The following GXYLT1 variants were observed in gnomAD, a reference collection of about 807,000 sequenced individuals.
GXYLT1 encodes the protein glycosyltransferase 8 domain containing 3.
A neutral mutation model predicts 54.0 loss-of-function variants in GXYLT1; 29 were observed. The observed-to-expected ratio is 0.54, with a 90% CI of 0.40 to 0.73. GXYLT1 has a LOEUF of 0.73. Ranked by LOEUF, GXYLT1 falls within the 30% of genes least tolerant of loss-of-function variation. GXYLT1 has a pLI of 0.00. For missense variants in GXYLT1, 490 were observed against 553.4 expected (o/e 0.89, Z 1.15); for synonymous variants, 176 against 204.1 (o/e 0.86, Z 1.17).
chr12:42,104,021 G>A (rs910436841), intron 5 of GXYLT1, among the ~76,000 whole-genome samples: 1 of 152,136 alleles, frequency 6.6e-6, no homozygotes, highest in Non-Finnish European at 1.5e-5. Context: ...GTTTGAGGTG[G>A]GAGGATCACA....
At chr12:42,092,514 A>G (rs1017812389) in intron 7 of GXYLT1, among the ~76,000 whole-genome samples, 1 of 152,198 alleles carries the variant, frequency 6.6e-6, no homozygotes, top group Non-Finnish European at 1.5e-5. Context: ...ACCTAGAGGT[A>G]TATGAAGTAT....
rs186646001 is a variant in GXYLT1 at position 42,113,564 on chromosome 12, T to C, written c.487-3873A>G. Among the ~76,000 whole-genome samples the C allele has an allele frequency of 2.6e-5, 4 of 151,140 alleles. 1 individual carries two copies. Among genetic ancestry groups the C allele is most frequent in the African/African-American group, 9.9e-5 (4 of 40,470 alleles). Reference sequence around the variant, plus strand: ...CATTACATAATGGTAAACGGATCAATTCAACAAGAAGAGCTAACTATCCTA... The same window carrying C: ...CATTACATAATGGTAAACGGATCAACTCAACAAGAAGAGCTAACTATCCTA... On this transcript the variant is annotated intron_variant, in intron 3 of 7. Transcript: ENST00000398675.
intron 2 of GXYLT1, among the ~76,000 whole-genome samples, chr12:42,120,204 C>A (rs986088142): frequency 8.5e-5 from 13 of 152,216 alleles, no homozygotes; most frequent in Non-Finnish European, 1.8e-4. Context: ...CACCAACCAA[C>A]AGTTCACTGT....
chr12:42,129,446 T>C (rs776958151), intron 2 of GXYLT1, among the ~76,000 whole-genome samples: 14 of 152,302 alleles, frequency 9.2e-5, no homozygotes, highest in Non-Finnish European at 1.3e-4. Context: ...GATATATCTG[T>C]AAACGTCAGT....
intron 3 of GXYLT1, among the ~76,000 whole-genome samples, chr12:42,117,545 A>T (rs2065504324): frequency 6.6e-6 from 1 of 152,126 alleles, no homozygotes; most frequent in Non-Finnish European, 1.5e-5. Flanking sequence ...AAAAACATCA[A>T]ATATATTTTT....
chr12:42,115,032 C>T (rs1005004337), intron 3 of GXYLT1, among the ~76,000 whole-genome samples: 3 of 152,204 alleles, frequency 2.0e-5, no homozygotes, highest in Non-Finnish European at 2.9e-5. Context: ...ACAAAAACCA[C>T]ATGATTATCT....
intron 1 of GXYLT1, among the ~76,000 whole-genome samples, chr12:42,140,043 T>C (rs1184271783): frequency 1.3e-5 from 2 of 151,858 alleles, no homozygotes; most frequent in African/African-American, 4.8e-5. Flanking sequence ...TAGCTGGGCA[T>C]GGTGGCAGGC....
rs561318397 is a variant in GXYLT1, at chr12:42,113,648, T to C, written c.487-3957A>G. Among the ~76,000 whole-genome samples the C allele has an allele frequency of 4.6e-5, 7 of 150,994 alleles. 1 individual carries two copies. Among genetic ancestry groups the C allele is most frequent in the South Asian group, 4.2e-4 (2 of 4,816 alleles). Reference sequence around the variant, plus strand: ...TTCATAAAGCAAGTCCTTAGTGACCTACAAAGAGACTTAGACTCCCACACA... The same window carrying C: ...TTCATAAAGCAAGTCCTTAGTGACCCACAAAGAGACTTAGACTCCCACACA... On this transcript the variant is annotated intron_variant, in intron 3 of 7. Transcript: ENST00000398675.
At chr12:42,111,269 C>G (rs974802405) in intron 3 of GXYLT1, among the ~76,000 whole-genome samples, 13 of 152,220 alleles carry the variant, frequency 8.5e-5, no homozygotes, top group African/African-American at 3.1e-4. Context: ...CTGGGGAGTG[C>G]CAGACAGTAG....
intron 3 of GXYLT1, among the ~76,000 whole-genome samples, chr12:42,117,393 C>T (rs542704368): frequency 1.6e-4 from 25 of 151,826 alleles, no homozygotes; most frequent in Non-Finnish European, 3.5e-4. Flanking sequence ...CTTTCATATA[C>T]CACTTATAAC....
At chr12:42,134,351 G>A (rs1366728305) in intron 1 of GXYLT1, among the ~76,000 whole-genome samples, 4 of 152,162 alleles carry the variant, frequency 2.6e-5, no homozygotes, top group Admixed American at 6.5e-5. Flanking sequence ...TTGCTCTGTC[G>A]CTCAGGGTGG....
rs1028697649 is a variant in GXYLT1, at chr12:42,089,715, A to C, written c.1162-1768T>G. ...TACTTATCCAAACATTAAGCAAACAACACCATGCCAAGTCAGTTCAAAAAT... is the reference window on the plus strand; with the variant it reads ...TACTTATCCAAACATTAAGCAAACACCACCATGCCAAGTCAGTTCAAAAAT... On this transcript the variant is annotated intron_variant, in intron 7 of 7. Transcript: ENST00000398675. Among the ~76,000 whole-genome samples, 6 of 152,156 alleles carry C rather than the reference A, an allele frequency of 3.9e-5. No individual in the cohort carries two copies. In the East Asian group the frequency reaches 5.8e-4, roughly 15 times the overall value.
At position 42,144,770 on chromosome 12, in the gene GXYLT1, CT is replaced by C; in HGVS notation, c.-125del. ...CCTCACCCGCAGCCGCCGCCGCCGC[CT>C]TGCGCCCGCTCCCTTCCTTCCCTCC... is the stretch of plus-strand genomic sequence containing the variant. On this transcript the variant is annotated 5_prime_UTR_variant, in exon 1 of 8. Transcript: ENST00000398675. The C allele has an allele frequency of 1.6e-6, 1 of 623,808 alleles. No individual in the cohort carries two copies. The allele number at this position is 623,808 out of a possible 1,614,324, so 38.6% of individuals were successfully genotyped here. A position where few individuals can be genotyped will look rare whatever the true frequency, so the allele number is the denominator to read the frequency against.
chr12:42,089,000 A>G (rs564012127), intron 7 of GXYLT1, among the ~76,000 whole-genome samples: 1 of 152,132 alleles, frequency 6.6e-6, no homozygotes, highest in African/African-American at 2.4e-5. Context: ...TAGAGATGCA[A>G]AGAGATCCTA....
intron 5 of GXYLT1, among the ~76,000 whole-genome samples, chr12:42,103,247 C>T (rs1302543181): frequency 6.6e-6 from 1 of 152,196 alleles, no homozygotes; most frequent in Admixed American, 6.5e-5. Flanking sequence ...GCGTGAGCCA[C>T]CACACCTGGA....
rs2065297347 is a variant in GXYLT1 at position 42,086,955 on chromosome 12, A to G, written c.*831T>C. On this transcript the variant is annotated 3_prime_UTR_variant, in exon 8 of 8. Transcript: ENST00000398675. ...CTCTTAAGGTTCTCACTTTACCATC[A>G]GCATAATATATTTTGCTTCCAGAAT... 2.0e-5 allele frequency: 3 copies of G among 152,146 alleles called. No individual in the cohort carries two copies. The South Asian group carries it at 6.2e-4, about 32-fold the overall frequency. 9.4% of individuals were successfully genotyped at this position (152,146 alleles called of 1,614,324 possible).
At chr12:42,100,815 C>T (rs1385860042) in intron 5 of GXYLT1, among the ~76,000 whole-genome samples, 1 of 152,068 alleles carries the variant, frequency 6.6e-6, no homozygotes, top group East Asian at 1.9e-4. Flanking sequence ...GGAACACTTT[C>T]AACAGACAGA....
intron 3 of GXYLT1, 56 bp from the exon 4 acceptor site, chr12:42,109,747 T>C (rs567130113): frequency 2.6e-6 from 3 of 1,145,676 alleles, no homozygotes; most frequent in Non-Finnish European, 3.7e-6. Context: ...CTCTGTAAAA[T>C]CATAAAACAA....
intron 6 of GXYLT1, 142 bp from the exon 7 acceptor site, chr12:42,097,756 T>C (rs1438937204): frequency 2.0e-6 from 2 of 1,017,670 alleles, no homozygotes; most frequent in East Asian, 5.1e-5. Flanking sequence ...CTCTTCCAAT[T>C]AAAGCAAAAT....
Sources: gnomAD v4.1 joint callset for allele counts (sites outside exome capture counted in the v4.1 genomes callset) on GRCh38, gnomAD v4.1.1 for gene constraint, MANE v1.5 for transcripts, NCBI Gene and HGNC (gene_info 2026-07-23, HGNC 2026-07-21) for gene names.